The following FAM98C variants were observed in gnomAD, a reference collection of about 807,000 sequenced individuals.
FAM98C encodes the protein protein FAM98C.
FAM98C carries 38 observed loss-of-function variants against 41.1 expected under a neutral mutation model. That is an observed-to-expected ratio of 0.92 (90% CI 0.71 to 1.21). The LOEUF (loss-of-function observed/expected upper bound fraction) is 1.21. Among genes scored for constraint, FAM98C ranks in the 50% most tolerant of loss-of-function variants. The probability of loss-of-function intolerance (pLI) is 0.00; values close to 1 mark genes in which losing one functional copy is unlikely to be tolerated. For synonymous variants in FAM98C, 195 were observed against 216.7 expected (o/e 0.90, Z 0.88); for missense variants, 493 against 484.7 (o/e 1.02, Z -0.16).
chr19:38,407,560 G>A (rs1032097412), intron 7 of FAM98C: 15 of 161,782 alleles, frequency 9.3e-5, no homozygotes, highest in Non-Finnish European at 1.8e-4. Context: ...TAGTAGTGAC[G>A]GGGTTTCACC....
At chr19:38,403,304 T>A (rs746020377) in intron 1 of FAM98C, 34 bp from the exon 2 acceptor site, 1 of 1,494,956 alleles carries the variant, frequency 6.7e-7, no homozygotes, top group Non-Finnish European at 8.8e-7. Context: ...CCCAGTGACA[T>A]CCCCGCCCCC....
chr19:38,407,520 A>G (rs1378291967), intron 7 of FAM98C: 2 of 166,166 alleles, frequency 1.2e-5, no homozygotes, highest in Admixed American at 5.7e-5. Flanking sequence ...ACAGGCACCC[A>G]CCACCATGTC....
At chr19:38,406,483 G>A (rs1213471048) in intron 6 of FAM98C, 1 of 158,870 alleles carries the variant, frequency 6.3e-6, no homozygotes, top group East Asian at 1.8e-4. Context: ...ATCTTTAAGA[G>A]ATACGAGCAG....
At chr19:38,408,615 C>G (rs1971086991) in intron 7 of FAM98C, 136 bp from the exon 8 acceptor site, 2 of 1,127,404 alleles carry the variant, frequency 1.8e-6, no homozygotes, top group Non-Finnish European at 2.6e-6. Context: ...AGTTCAGTCC[C>G]CCCTCCCCCA....
Position 38,403,180 on chromosome 19 carries a change from G to T in FAM98C, c.27G>T (p.Trp9Cys). The change falls in exon 1 of 8, where the codon TGG (tryptophan) becomes TGT (cysteine). Residue 9 changes from tryptophan (W) to cysteine (C), a missense_variant. Trp to Cys is a radical substitution (Grantham distance 215). Coordinates refer to ENST00000252530, the MANE Select transcript of FAM98C (RefSeq NM_174905.4). Reference protein sequence around the residue: MEAVKAEAWEGAAVAQDLL... With the variant: MEAVKAEACEGAAVAQDLL... ...TGGAGGCGGTGAAGGCGGAAGCGTG[G>T]GAGGGGGCCGCGGTGGCCCAGGACC... is the stretch of plus-strand genomic sequence containing the variant. 6.5e-7 allele frequency: 1 copy of T among 1,536,202 alleles called. No individual in the cohort carries two copies. Among genetic ancestry groups the T allele is most frequent in the Non-Finnish European group, 8.7e-7 (1 of 1,153,160 alleles).
chr19:38,403,562 C>T lies in FAM98C; in HGVS notation c.217C>T (p.Pro73Ser), dbSNP rs946896722. 6.7e-7 allele frequency: 1 copy of T among 1,494,828 alleles called. No homozygotes were observed. The highest frequency in any genetic ancestry group is 8.8e-7 in the Non-Finnish European group (1 of 1,131,358). The allele number at this position is 1,494,828 out of a possible 1,614,324, so 92.6% of individuals were successfully genotyped here. ...CCCTGACACCCCTGTCCTCGCAGGC[C>T]CTGGCGCGGAGGAGGACTTTCTGCG... ...GAEVLSAGDG[P>S]GAEEDFLRQL... The change falls in exon 3 of 8, where the codon CCT (proline) becomes TCT (serine). Residue 73 changes from proline to serine, a missense_variant and splice_region_variant. Physicochemically the swap from Pro to Ser is moderately conservative, Grantham distance 74. Coordinates refer to ENST00000252530, the MANE Select transcript of FAM98C (RefSeq NM_174905.4).
chr19:38,406,818 G>T (rs1259468174), intron 6 of FAM98C, 92 bp from the exon 7 acceptor site: 15 of 1,298,564 alleles, frequency 1.2e-5, no homozygotes, highest in East Asian at 2.3e-5. Context: ...TGGGCAGTGA[G>T]GTCTTGAATG....
At chr19:38,403,511 A>G in intron 2 of FAM98C, 25 bp downstream of exon 2, 1 of 1,419,060 alleles carries the variant, frequency 7.0e-7, no homozygotes, top group African/African-American at 1.5e-5. Context: ...GGAGGGTGGC[A>G]GGGGGGCCGC....
In FAM98C at chr19:38,408,712, A is replaced by G. The variant is rs756571918; in HGVS notation, c.919-39A>G. ...GCTCTCTGGCCCCCTTGTCCAAGAT[A>G]CTTTTTTTCTCTGCAACTCAAATCT... On this transcript the variant is annotated intron_variant, in intron 7 of 7. Coordinates refer to ENST00000252530, the MANE Select transcript of FAM98C (RefSeq NM_174905.4). 16 of 1,613,704 alleles carry G rather than the reference A, an allele frequency of 9.9e-6. No homozygotes were observed. The Admixed American group carries it at 2.3e-4, about 24-fold the overall frequency.
chr19:38,404,116 T>C (rs977877777), intron 3 of FAM98C, among the ~76,000 whole-genome samples: 12 of 152,148 alleles, frequency 7.9e-5, no homozygotes, highest in African/African-American at 2.9e-4. Context: ...GGTCTCGAAC[T>C]CCTGACCCCA....
intron 6 of FAM98C, chr19:38,405,859 AT>A (rs1002148694): frequency 0.17 from 66,753 of 386,932 alleles, 24 homozygotes; most frequent in South Asian, 0.23. Context: ...ATACCCCATC[AT>A]TTTTTTTTTT....
chr19:38,405,832 G>C (rs1421587092), intron 6 of FAM98C, 197 bp downstream of exon 6: 2 of 592,248 alleles, frequency 3.4e-6, no homozygotes, highest in African/African-American at 3.7e-5. Context: ...CTCTGAGCTG[G>C]CAGTATATTC....
chr19:38,404,756 C>T, intron 3 of FAM98C, 152 bp from the exon 4 acceptor site: 1 of 781,992 alleles, frequency 1.3e-6, no homozygotes, highest in Non-Finnish European at 2.2e-6. Flanking sequence ...GTCTCCATCT[C>T]CTGACCTCGT....
intron 4 of FAM98C, 24 bp downstream of exon 4, chr19:38,405,137 G>T: frequency 1.3e-6 from 2 of 1,593,786 alleles, no homozygotes; most frequent in Non-Finnish European, 1.7e-6. Flanking sequence ...GTCCCCTCCC[G>T]ACCTGGGCTA....
chr19:38,403,813 G>A, intron 3 of FAM98C, 119 bp downstream of exon 3: 1 of 1,207,460 alleles, frequency 8.3e-7, no homozygotes, highest in Non-Finnish European at 1.1e-6. Context: ...GGCCCAGAGG[G>A]TACGAGGTGG....
Position 38,406,785 on chromosome 19 carries a change from AAAAT to A in FAM98C, c.751-119_751-116del. On this transcript the variant is annotated intron_variant, in intron 6 of 7. Transcript: ENST00000252530. ...GGGTGACAGCGAGACCCTGTCTCAA[AAAAT>A]AAATATTTATTTGAGCTGTGGGCAG... 3.8e-6 allele frequency: 4 copies of A among 1,066,096 alleles called. No homozygotes were observed. The South Asian group carries it at 4.7e-5, about 12-fold the overall frequency. 66.0% of individuals were successfully genotyped at this position (1,066,096 alleles called of 1,614,324 possible).
At position 38,408,849 on chromosome 19, in the gene FAM98C, G is replaced by C. The variant is rs1446461267; in HGVS notation, c.1017G>C (p.Gln339His). The C allele has an allele frequency of 6.3e-7, 1 of 1,593,160 alleles. No individual in the cohort carries two copies. Among genetic ancestry groups the C allele is most frequent in the Non-Finnish European group, 8.5e-7 (1 of 1,173,958 alleles). Residue 339 changes from glutamine (Q) to histidine (H), a missense_variant, in exon 8 of 8, where the codon CAG (glutamine) becomes CAC (histidine). Transcript: ENST00000252530. Reference sequence around the variant, plus strand: ...GCCGAAGAGAGGATGGAGGCCCCCAGTGTTGGGGTCGCAAGAAGAAGAAGA... The same window carrying C: ...GCCGAAGAGAGGATGGAGGCCCCCACTGTTGGGGTCGCAAGAAGAAGAAGA... ...WRSRREDGGPQCWGRKKKKKK is the reference protein window; with the variant it reads ...WRSRREDGGPHCWGRKKKKKK
At chr19:38,403,242 G>A (rs1234285095) in intron 1 of FAM98C, 24 bp downstream of exon 1, 3 of 1,555,982 alleles carry the variant, frequency 1.9e-6, no homozygotes, top group Middle Eastern at 1.7e-4. Context: ...CGGTGAGGCT[G>A]GTGGGTGCAG....
At chr19:38,404,866 A>G in intron 3 of FAM98C, 42 bp from the exon 4 acceptor site, 2 of 1,607,226 alleles carry the variant, frequency 1.2e-6, no homozygotes, top group Non-Finnish European at 1.7e-6. Context: ...ATGAGTGGGT[A>G]GCAGCCTCCC....
Sources: allele counts gnomAD v4.1 joint callset (sites outside exome capture counted in the v4.1 genomes callset), GRCh38; gene constraint gnomAD v4.1.1; transcripts MANE v1.5; gene names NCBI Gene and HGNC (gene_info 2026-07-23, HGNC 2026-07-21).